SELENOF: variants seen among roughly 807,000 people sequenced by gnomAD.
SELENOF encodes the protein selenoprotein F.
A neutral mutation model predicts 20.5 loss-of-function variants in SELENOF; 16 were observed. That is an observed-to-expected ratio of 0.78 (90% CI 0.53 to 1.19). The LOEUF is 1.19. Ranked by LOEUF, SELENOF falls within the 50% of genes most tolerant of loss-of-function variation. The pLI, the probability that SELENOF is intolerant of heterozygous loss-of-function variation, is 0.00. For missense variants in SELENOF, 215 were observed against 194.2 expected, an observed-to-expected ratio of 1.11 and a Z score of -0.64; for synonymous variants, 78 against 74.5, an observed-to-expected ratio of 1.05 and a Z score of -0.24.
intron 2 of SELENOF, among the ~76,000 whole-genome samples, chr1:86,899,281 G>A (rs1468862070): frequency 2.0e-5 from 3 of 150,492 alleles, no homozygotes; most frequent in South Asian, 2.1e-4. Context: ...ATCATGGCCC[G>A]TTCTCAATGA....
At chr1:86,914,200 T>C (rs1384423577), upstream of SELENOF, 1 of 1,144,388 alleles carries the variant, frequency 8.7e-7, no homozygotes, top group African/African-American at 1.5e-5. Flanking sequence ...CTAACGGCCG[T>C]TGCCCTTACA....
At chr1:86,866,684 G>A (rs1658606691) in intron 4 of SELENOF, among the ~76,000 whole-genome samples, 1 of 151,994 alleles carries the variant, frequency 6.6e-6, no homozygotes, top group Admixed American at 6.6e-5. Flanking sequence ...ACACACAGAT[G>A]GCAAATAAAC....
chr1:86,880,601 G>A lies in SELENOF; in HGVS notation c.316+61C>T, dbSNP rs538618831. ...ATTCCTGGGAATATATAGTGAAAAC[G>A]ATTCACATAAAATGTTGATTTTAAA... On this transcript the variant is annotated intron_variant, in intron 3 of 4. Coordinates refer to ENST00000331835, the MANE Select transcript of SELENOF (RefSeq NM_004261.5). 126 of 893,202 alleles carry A rather than the reference G, an allele frequency of 1.4e-4. No individual in the cohort carries two copies. The African/African-American group carries it at 1.6e-3, about 11-fold the overall frequency. 55.3% of individuals were successfully genotyped at this position (893,202 alleles called of 1,614,324 possible). A position where few individuals can be genotyped will look rare whatever the true frequency, so the allele number is the denominator to read the frequency against.
chr1:86,870,004 A>C (rs1570372846), intron 3 of SELENOF, among the ~76,000 whole-genome samples: 2 of 152,064 alleles, frequency 1.3e-5, no homozygotes, highest in Non-Finnish European at 2.9e-5. Context: ...CGATCTCCTG[A>C]CCTTGTGATC....
At chr1:86,869,015 TCA>T (rs1658683634) in intron 3 of SELENOF, among the ~76,000 whole-genome samples, 1 of 152,148 alleles carries the variant, frequency 6.6e-6, no homozygotes, top group Non-Finnish European at 1.5e-5. Flanking sequence ...ATGTTCAACT[TCA>T]CATATAATTG....
chr1:86,899,536 C>A (rs1274641446), intron 2 of SELENOF, among the ~76,000 whole-genome samples: 3 of 140,670 alleles, frequency 2.1e-5, no homozygotes, highest in Non-Finnish European at 3.1e-5. Context: ...GCTGGCCGGG[C>A]GGGGGGCTGA....
intron 2 of SELENOF, among the ~76,000 whole-genome samples, chr1:86,896,327 CATT>C (rs1042954768): frequency 2.6e-5 from 4 of 151,886 alleles, no homozygotes; most frequent in Non-Finnish European, 5.9e-5. Flanking sequence ...CAGCTGAAAT[CATT>C]ATTAAGAACC....
intron 1 of SELENOF, among the ~76,000 whole-genome samples, chr1:86,910,371 C>T (rs1481154751): frequency 6.6e-6 from 1 of 152,024 alleles, no homozygotes; most frequent in Non-Finnish European, 1.5e-5. Flanking sequence ...CTGTGGGGGT[C>T]ACATTCACAA....
chr1:86,906,199 G>T (rs931761461), intron 1 of SELENOF, among the ~76,000 whole-genome samples: 5 of 152,194 alleles, frequency 3.3e-5, no homozygotes, highest in African/African-American at 1.2e-4. Context: ...GTTAATTTGT[G>T]TGTTTGATCT....
At chr1:86,892,173 C>T (rs1356295806) in intron 2 of SELENOF, among the ~76,000 whole-genome samples, 2 of 135,512 alleles carry the variant, frequency 1.5e-5, no homozygotes, top group African/African-American at 6.5e-5. Context: ...ACCGCATGAT[C>T]CACCCCCCCG....
intron 1 of SELENOF, among the ~76,000 whole-genome samples, chr1:86,909,466 A>T (rs1006226067): frequency 6.6e-6 from 1 of 152,184 alleles, no homozygotes; most frequent in Non-Finnish European, 1.5e-5. Context: ...AAATATCCTG[A>T]TGACTTTGAT....
chr1:86,881,157 A>G (rs904496137), intron 2 of SELENOF, among the ~76,000 whole-genome samples: 1 of 152,204 alleles, frequency 6.6e-6, no homozygotes, highest in Non-Finnish European at 1.5e-5. Flanking sequence ...ATATTAAGTG[A>G]TCAAAGTTTT....
intron 2 of SELENOF, among the ~76,000 whole-genome samples, chr1:86,885,731 A>G (rs1218360305): frequency 6.6e-6 from 1 of 152,202 alleles, no homozygotes; most frequent in Non-Finnish European, 1.5e-5. Context: ...TAGTGAAAAG[A>G]GTCCAAGCTG....
intron 3 of SELENOF, among the ~76,000 whole-genome samples, chr1:86,874,689 G>A (rs890415578): frequency 6.6e-6 from 1 of 151,998 alleles, no homozygotes; most frequent in Non-Finnish European, 1.5e-5. Context: ...TGAGGTTAAA[G>A]AAAAATGTTT....
chr1:86,878,219 C>G (rs970801149), intron 3 of SELENOF, among the ~76,000 whole-genome samples: 4 of 151,940 alleles, frequency 2.6e-5, no homozygotes, highest in African/African-American at 9.7e-5. Context: ...TAAAACATAC[C>G]AAAATTTAAA....
chr1:86,874,937 C>A (rs1658885013), intron 3 of SELENOF, among the ~76,000 whole-genome samples: 2 of 152,110 alleles, frequency 1.3e-5, no homozygotes, highest in Admixed American at 1.3e-4. Context: ...AAAAGTATTT[C>A]TAAAACAGAA....
rs144131700 is a variant in SELENOF at position 86,906,195 on chromosome 1, TTG to T, written c.85-2749_85-2748del. Reference sequence around the variant, plus strand: ...GGGAACTGTGACTTTATTGGTTAATTTGTGTGTTTGATCTCTCTAGTTTAACT... The same window carrying T: ...GGGAACTGTGACTTTATTGGTTAATTTGTGTTTGATCTCTCTAGTTTAACT... On this transcript the variant is annotated intron_variant, in intron 1 of 4. Coordinates refer to ENST00000331835, the MANE Select transcript of SELENOF (RefSeq NM_004261.5). Among the ~76,000 whole-genome samples, 631 of 152,310 alleles carry T rather than the reference TTG, an allele frequency of 4.1e-3. 5 individuals carry two copies. The highest frequency in any genetic ancestry group is 4.2e-3 in the Non-Finnish European group (284 of 68,020).
At chr1:86,896,123 G>C (rs953746518) in intron 2 of SELENOF, among the ~76,000 whole-genome samples, 2 of 152,038 alleles carry the variant, frequency 1.3e-5, no homozygotes, top group Admixed American at 6.6e-5. Flanking sequence ...AGCTGCTTGC[G>C]AGGCTGAGGC....
intron 1 of SELENOF, among the ~76,000 whole-genome samples, chr1:86,906,456 C>T (rs1158124930): frequency 1.3e-5 from 2 of 152,172 alleles, no homozygotes; most frequent in Non-Finnish European, 2.9e-5. Flanking sequence ...GTTCCCTCCC[C>T]TTGAATCTGG....
Sources: gnomAD v4.1 joint callset for allele counts (sites outside exome capture counted in the v4.1 genomes callset) on GRCh38, gnomAD v4.1.1 for gene constraint, MANE v1.5 for transcripts, NCBI Gene and HGNC (gene_info 2026-07-23, HGNC 2026-07-21) for gene names.